Variants in TMEM245 observed in about 807,000 individuals in gnomAD.
TMEM245 encodes the protein transmembrane protein 245, also known as protein CG-2.
A neutral mutation model predicts 101.2 loss-of-function variants in TMEM245; 69 were observed. The ratio of observed to expected loss-of-function variants is 0.68; its 90% CI spans 0.56 to 0.83. The LOEUF is 0.83. Ranked by LOEUF, TMEM245 falls within the 40% of genes least tolerant of loss-of-function variation. The pLI, the probability that TMEM245 is intolerant of heterozygous loss-of-function variation, is 0.00. For missense variants in TMEM245, 1,075 were observed against 1,092.8 expected, an observed-to-expected ratio of 0.98 and a Z score of 0.23; for synonymous variants, 537 against 449.8, an observed-to-expected ratio of 1.19 and a Z score of -2.45.
intron 4 of TMEM245, among the ~76,000 whole-genome samples, chr9:109,092,577 T>C (rs764760525): frequency 9.9e-5 from 15 of 152,252 alleles, no homozygotes; most frequent in Non-Finnish European, 1.8e-4. Flanking sequence ...TATCATTTCC[T>C]CTCCACTTTG....
chr9:109,073,740 A>G (rs1189439004), intron 8 of TMEM245, among the ~76,000 whole-genome samples: 2 of 152,196 alleles, frequency 1.3e-5, no homozygotes, highest in African/African-American at 4.8e-5. Context: ...TTGCATGAAT[A>G]TATCGTATAA....
chr9:109,060,093 G>C lies in TMEM245; in HGVS notation c.1722+261C>G, dbSNP rs369857595. Among the ~76,000 whole-genome samples, 6 of 152,238 alleles carry C rather than the reference G, an allele frequency of 3.9e-5. No homozygotes were observed. The East Asian group carries it at 1.2e-3, about 29-fold the overall frequency. Reference sequence around the variant, plus strand: ...ATGTGGCTTGCATTACACTTCTCCCGCACAGAGCTAGTCTAGGGGATGAGA... The same window carrying C: ...ATGTGGCTTGCATTACACTTCTCCCCCACAGAGCTAGTCTAGGGGATGAGA... On this transcript the variant is annotated intron_variant, in intron 11 of 17. Coordinates refer to ENST00000374586, the MANE Select transcript of TMEM245 (RefSeq NM_032012.4).
At chr9:109,050,157 T>C in intron 14 of TMEM245, 126 bp downstream of exon 14, 1 of 1,120,378 alleles carries the variant, frequency 8.9e-7, no homozygotes, top group Non-Finnish European at 1.3e-6. Flanking sequence ...GATGAAAACC[T>C]TGAAAATACC....
In TMEM245 at chr9:109,106,677, G is replaced by C. The variant is rs1477114134; in HGVS notation, c.698-68C>G. On this transcript the variant is annotated intron_variant, in intron 2 of 17. Transcript: ENST00000374586. ...CTAGTACTTGTTTTTACAAAACTCA[G>C]TTTTGTAGTTTGACAGAACAATCTG... is the stretch of plus-strand genomic sequence containing the variant. 4 of 1,161,926 alleles carry C rather than the reference G, an allele frequency of 3.4e-6. No individual in the cohort carries two copies. The East Asian group carries it at 1.0e-4, about 30-fold the overall frequency. 72.0% of individuals were successfully genotyped at this position (1,161,926 alleles called of 1,614,324 possible).
chr9:109,033,667 G>C (rs1157015396), intron 16 of TMEM245, among the ~76,000 whole-genome samples, 166 bp from the exon 17 acceptor site: 5 of 110,662 alleles, frequency 4.5e-5, no homozygotes. Context: ...ATAATATTGA[G>C]ATGCAACAAT....
intron 9 of TMEM245, 40 bp from the exon 10 acceptor site, chr9:109,064,607 T>C: frequency 1.9e-6 from 3 of 1,546,490 alleles, no homozygotes; most frequent in African/African-American, 1.4e-5. Context: ...AAGTACACTT[T>C]CTGTGTAGTG....
intron 8 of TMEM245, among the ~76,000 whole-genome samples, chr9:109,074,862 G>A (rs887285681): frequency 1.3e-5 from 2 of 152,058 alleles, no homozygotes; most frequent in Non-Finnish European, 2.9e-5. Flanking sequence ...GCACCAAGAC[G>A]GGGAAAACAA....
At chr9:109,021,237 T>A (rs1052992189) in intron 17 of TMEM245, among the ~76,000 whole-genome samples, 1 of 152,204 alleles carries the variant, frequency 6.6e-6, no homozygotes, top group Non-Finnish European at 1.5e-5. Flanking sequence ...TAAATTTACA[T>A]CTGTGCTGGC....
chr9:109,046,512 A>G (rs1401219148), intron 14 of TMEM245, among the ~76,000 whole-genome samples: 1 of 152,232 alleles, frequency 6.6e-6, no homozygotes, highest in Non-Finnish European at 1.5e-5. Flanking sequence ...CAAAACTTCA[A>G]TGAGATAGTG....
chr9:109,068,349 G>A (rs1340897722), intron 9 of TMEM245, among the ~76,000 whole-genome samples: 17 of 123,680 alleles, frequency 1.4e-4, no homozygotes, highest in African/African-American at 4.4e-4. Context: ...CAGCCTGGGC[G>A]ACAGAGCAAG....
At chr9:109,109,572 T>A (rs1434523858) in intron 1 of TMEM245, among the ~76,000 whole-genome samples, 1 of 152,134 alleles carries the variant, frequency 6.6e-6, no homozygotes, top group Non-Finnish European at 1.5e-5. Flanking sequence ...AATCTATCAA[T>A]ACAAATAATC....
chr9:109,048,697 C>G (rs533897753), intron 14 of TMEM245, among the ~76,000 whole-genome samples: 1 of 152,228 alleles, frequency 6.6e-6, no homozygotes, highest in South Asian at 2.1e-4. Flanking sequence ...GACAGGCCTG[C>G]TCTGCAAAAG....
chr9:109,064,186 T>C (rs1323651906), intron 10 of TMEM245, among the ~76,000 whole-genome samples: 2 of 152,236 alleles, frequency 1.3e-5, no homozygotes, highest in Non-Finnish European at 2.9e-5. Flanking sequence ...TACCTTTTTC[T>C]CTACAAAGCC....
chr9:109,038,291 ATTTACT>A (rs1217798533), intron 14 of TMEM245, 174 bp from the exon 15 acceptor site: 1 of 452,100 alleles, frequency 2.2e-6, no homozygotes, highest in Non-Finnish European at 3.9e-6. Flanking sequence ...CTTTAAATAC[ATTTACT>A]AAGTTATTCT....
chr9:109,066,613 T>C (rs76563991), intron 9 of TMEM245, among the ~76,000 whole-genome samples: 3,812 of 152,082 alleles, frequency 0.025, 159 homozygotes, highest in African/African-American at 0.088. Context: ...GCTTTTAAAT[T>C]ACTCTTTTAT....
At chr9:109,061,185 G>A (rs1043515787) in intron 10 of TMEM245, among the ~76,000 whole-genome samples, 1 of 152,076 alleles carries the variant, frequency 6.6e-6, no homozygotes, top group Non-Finnish European at 1.5e-5. Context: ...GTGTGGTGGC[G>A]CATGCCTGCA....
chr9:109,033,446 C>A lies in TMEM245; in HGVS notation c.2455G>T (p.Gly819Cys). 6.2e-7 allele frequency: 1 copy of A among 1,613,778 alleles called. No homozygotes were observed. Among genetic ancestry groups the A allele is most frequent in the Non-Finnish European group, 8.5e-7 (1 of 1,179,832 alleles). The change falls in exon 17 of 18, where the codon GGC (glycine) becomes TGC (cysteine). Residue 819 changes from glycine to cysteine, a missense_variant. Physicochemically the swap from Gly to Cys is radical, Grantham distance 159 (BLOSUM62 -3). Coordinates refer to ENST00000374586, the MANE Select transcript of TMEM245 (RefSeq NM_032012.4). ...LAVAGGAYYLGLEGAIIGPIL... is the reference protein window; with the variant it reads ...LAVAGGAYYLCLEGAIIGPIL... The stretch of plus-strand genomic sequence containing the variant: ...GGACCGATGATTGCTCCTTCCAGGC[C>A]TAGGTAGTATGCTCCACCGGCCACT...
chr9:109,029,951 T>C (rs73527234), intron 17 of TMEM245, among the ~76,000 whole-genome samples: 10,230 of 152,034 alleles, frequency 0.067, 1,166 homozygotes, highest in African/African-American at 0.24. Flanking sequence ...AAAGCAAAAG[T>C]CGTATGGGTA....
chr9:109,073,429 C>T lies in TMEM245; in HGVS notation c.1459G>A (p.Glu487Lys). The change falls in exon 9 of 18, where the codon GAG becomes AAG. Residue 487 changes from glutamate (E) to lysine (K), a missense_variant. Transcript: ENST00000374586. ...GTGACTTCAATCATGTGTACACTCT[C>T]TTGATGTACCTGTATTACAGATAAA... ...ALLLTAKVHQESVHMIEVTSN... is the reference protein window; with the variant it reads ...ALLLTAKVHQKSVHMIEVTSN... 6.2e-7 allele frequency: 1 copy of T among 1,604,832 alleles called. No individual in the cohort carries two copies. The highest frequency in any genetic ancestry group is 8.5e-7 in the Non-Finnish European group (1 of 1,173,194).
Sources: allele counts gnomAD v4.1 joint callset (sites outside exome capture counted in the v4.1 genomes callset), GRCh38; gene constraint gnomAD v4.1.1; transcripts MANE v1.5; gene names NCBI Gene and HGNC (gene_info 2026-07-23, HGNC 2026-07-21).